HS3ST5: variants seen among roughly 807,000 people sequenced by gnomAD.
HS3ST5 encodes heparan sulfate glucosamine 3-O-sulfotransferase 5.
Under a neutral mutation model 25.4 loss-of-function variants are expected in HS3ST5, and 10 were observed. The observed-to-expected ratio is 0.39, with a 90% CI of 0.24 to 0.67. HS3ST5 has a LOEUF of 0.67. HS3ST5 is among the 30% of genes least tolerant of loss of function. The pLI, the probability that HS3ST5 is intolerant of heterozygous loss-of-function variation, is 0.44. For synonymous variants in HS3ST5, 170 were observed against 162.4 expected (o/e 1.05, Z -0.36); for missense variants, 324 against 420.7 (o/e 0.77, Z 2.01).
intron 1 of HS3ST5, among the ~76,000 whole-genome samples, chr6:114,338,246 A>G (rs1210576023): frequency 6.6e-6 from 1 of 151,876 alleles, no homozygotes; most frequent in Non-Finnish European, 1.5e-5. Flanking sequence ...ACAGATATAT[A>G]CATAAACAGA....
At chr6:114,216,719 C>T (rs936538395) in intron 2 of HS3ST5, among the ~76,000 whole-genome samples, 1 of 123,574 alleles carries the variant, frequency 8.1e-6, no homozygotes, top group Non-Finnish European at 1.7e-5. Context: ...AGAACAGAAT[C>T]GTCCTCCTTA....
intron 1 of HS3ST5, among the ~76,000 whole-genome samples, chr6:114,264,395 C>T (rs1773311919): frequency 6.6e-6 from 1 of 152,186 alleles, no homozygotes; most frequent in African/African-American, 2.4e-5. Context: ...AACTGTACTT[C>T]TAAATGCAGA....
chr6:114,228,122 C>G (rs1771395298), intron 2 of HS3ST5, among the ~76,000 whole-genome samples: 1 of 152,102 alleles, frequency 6.6e-6, no homozygotes, highest in Admixed American at 6.6e-5. Flanking sequence ...CAGTGTTTCT[C>G]AAAGGCCTCA....
intron 3 of HS3ST5, among the ~76,000 whole-genome samples, chr6:114,121,747 A>G (rs998604741): frequency 5.9e-5 from 9 of 152,298 alleles, no homozygotes; most frequent in African/African-American, 2.2e-4. Flanking sequence ...TGTCTCCAAT[A>G]TTTTGTTATT....
In HS3ST5 at chr6:114,228,571, CT is replaced by C. The variant is rs1771423739; in HGVS notation, c.-145+13del. 1.3e-5 allele frequency: 2 copies of C among 152,068 alleles called. No individual in the cohort carries two copies. Among genetic ancestry groups the C allele is most frequent in the African/African-American group, 4.8e-5 (2 of 41,412 alleles). The allele number at this position is 152,068 out of a possible 1,614,324, so 9.4% of individuals were successfully genotyped here. A position where few individuals can be genotyped will look rare whatever the true frequency, so the allele number is the denominator to read the frequency against. On this transcript the variant is annotated intron_variant, in intron 2 of 4. Coordinates refer to ENST00000312719, the MANE Select transcript of HS3ST5 (RefSeq NM_153612.4). ...ATGCAAATATGTGTGGTGGTACCCC[CT>C]AAATTTGCTTACCTTCAAATCCTTG...
intron 3 of HS3ST5, among the ~76,000 whole-genome samples, chr6:114,133,039 C>T (rs1777420841): frequency 6.6e-6 from 1 of 152,172 alleles, no homozygotes; most frequent in Admixed American, 6.5e-5. Flanking sequence ...ATGGTGCTTG[C>T]TGTGAGAAGA....
intron 1 of HS3ST5, among the ~76,000 whole-genome samples, chr6:114,336,211 T>A (rs547760618): frequency 6.6e-6 from 1 of 152,366 alleles, no homozygotes; most frequent in Non-Finnish European, 1.5e-5. Flanking sequence ...ATTACTACTT[T>A]CTGAATTTTT....
intron 3 of HS3ST5, among the ~76,000 whole-genome samples, chr6:114,089,766 A>G (rs1775027295): frequency 6.6e-6 from 1 of 152,204 alleles, no homozygotes. Flanking sequence ...AAGGGGTATA[A>G]TTTGTGGCCA....
chr6:114,155,555 C>G (rs1483509345), intron 3 of HS3ST5, among the ~76,000 whole-genome samples: 1 of 152,216 alleles, frequency 6.6e-6, no homozygotes, highest in Non-Finnish European at 1.5e-5. Context: ...GACTTAATTT[C>G]TCAGATTCTG....
intron 3 of HS3ST5, among the ~76,000 whole-genome samples, chr6:114,077,340 C>T (rs1774193544): frequency 6.6e-6 from 1 of 152,172 alleles, no homozygotes; most frequent in Non-Finnish European, 1.5e-5. Context: ...ATCCCAGTAT[C>T]TCACTGGTAT....
chr6:114,244,107 A>C (rs1772270801), intron 1 of HS3ST5, among the ~76,000 whole-genome samples: 1 of 152,226 alleles, frequency 6.6e-6, no homozygotes, highest in African/African-American at 2.4e-5. Flanking sequence ...GAGAGCAGGG[A>C]TAGAGAAGGA....
At chr6:114,143,018 A>G (rs1198129449) in intron 3 of HS3ST5, 2 of 152,186 alleles carry the variant, frequency 1.3e-5, no homozygotes, top group South Asian at 2.1e-4. Flanking sequence ...ACTAAACACT[A>G]TAGGTAAGTT....
At chr6:114,189,481 A>G (rs1220850993) in intron 2 of HS3ST5, among the ~76,000 whole-genome samples, 1 of 152,134 alleles carries the variant, frequency 6.6e-6, no homozygotes, top group Non-Finnish European at 1.5e-5. Context: ...ATACTGGAGA[A>G]TTCTTATTAT....
intron 2 of HS3ST5, chr6:114,178,702 C>G (rs11967851): frequency 0.32 from 48,199 of 151,926 alleles, 8,071 homozygotes; most frequent in African/African-American, 0.41. Flanking sequence ...AAACATTGCA[C>G]GACAATGAAC....
intron 1 of HS3ST5, among the ~76,000 whole-genome samples, chr6:114,260,938 T>TTTTAGAG (rs199795970): frequency 6.6e-6 from 1 of 151,724 alleles, no homozygotes; most frequent in African/African-American, 2.4e-5. Context: ...CATTAGTGCA[T>TTTTAGAG]CTCCACTCTA....
chr6:114,325,382 C>T (rs1776133386), intron 1 of HS3ST5, among the ~76,000 whole-genome samples: 1 of 152,178 alleles, frequency 6.6e-6, no homozygotes. Context: ...AATTAGATAA[C>T]TTTCAAAAAC....
chr6:114,066,774 G>C (rs756103513), intron 3 of HS3ST5, among the ~76,000 whole-genome samples: 2 of 152,178 alleles, frequency 1.3e-5, no homozygotes, highest in Non-Finnish European at 2.9e-5. Context: ...GCTTTGTGCT[G>C]TGCAGGCATT....
At chr6:114,210,529 G>A (rs1275341053) in intron 2 of HS3ST5, among the ~76,000 whole-genome samples, 1 of 152,144 alleles carries the variant, frequency 6.6e-6, no homozygotes, top group African/African-American at 2.4e-5. Flanking sequence ...ACGCAAAACT[G>A]ATATTTTGTT....
chr6:114,137,123 A>G (rs1189511244), intron 3 of HS3ST5, among the ~76,000 whole-genome samples: 1 of 152,168 alleles, frequency 6.6e-6, no homozygotes, highest in Non-Finnish European at 1.5e-5. Context: ...CTTTCTGGAT[A>G]ATGGCAGTAT....
Sources: allele counts gnomAD v4.1 joint callset (sites outside exome capture counted in the v4.1 genomes callset), GRCh38; gene constraint gnomAD v4.1.1; transcripts MANE v1.5; gene names NCBI Gene and HGNC (gene_info 2026-07-23, HGNC 2026-07-21).